The following PIK3CB variants were observed in gnomAD, a reference collection of about 807,000 sequenced individuals.
PIK3CB encodes phosphatidylinositol-4,5-bisphosphate 3-kinase catalytic subunit beta, also known as phosphatidylinositol 4,5-bisphosphate 3-kinase catalytic subunit beta isoform.
A neutral mutation model predicts 136.8 loss-of-function variants in PIK3CB; 39 were observed. That is an observed-to-expected ratio of 0.29 (90% CI 0.22 to 0.37). The LOEUF (loss-of-function observed/expected upper bound fraction) is 0.37, where lower values mean the gene tolerates loss of function less well. Ranked by LOEUF, PIK3CB falls within the 10% of genes least tolerant of loss-of-function variation. The pLI is 1.00. For synonymous variants in PIK3CB, 428 were observed against 436.6 expected (o/e 0.98, Z 0.25); for missense variants, 868 against 1,275.4 (o/e 0.68, Z 4.87).
intron 8 of PIK3CB, among the ~76,000 whole-genome samples, chr3:138,716,086 T>G (rs1385847155): frequency 6.6e-6 from 1 of 152,146 alleles, no homozygotes; most frequent in Non-Finnish European, 1.5e-5. Flanking sequence ...AAGAAAAAAA[T>G]TGGTTATTCT....
chr3:138,815,430 G>GGA (rs1559889588), intron 1 of PIK3CB, among the ~76,000 whole-genome samples: 1 of 116,332 alleles, frequency 8.6e-6, no homozygotes, highest in African/African-American at 3.7e-5. Context: ...TGTTACAAAA[G>GGA]AAAAAAAAAA....
At chr3:138,690,767 C>T (rs1168379977) in intron 15 of PIK3CB, among the ~76,000 whole-genome samples, 1 of 149,228 alleles carries the variant, frequency 6.7e-6, no homozygotes, top group African/African-American at 2.5e-5. Flanking sequence ...AGAAATCAAG[C>T]AGGCATGGAG....
chr3:138,705,479 A>G (rs191437496), intron 11 of PIK3CB, among the ~76,000 whole-genome samples: 30 of 152,244 alleles, frequency 2.0e-4, no homozygotes, highest in African/African-American at 6.7e-4. Context: ...CATATTTGAA[A>G]TTTATATTAT....
intron 1 of PIK3CB, among the ~76,000 whole-genome samples, chr3:138,797,410 C>T (rs886287710): frequency 6.6e-6 from 1 of 152,126 alleles, no homozygotes; most frequent in Non-Finnish European, 1.5e-5. Context: ...AGGGGTCCTG[C>T]GTGACTGCAC....
At chr3:138,657,598 T>G (rs2043214841) in intron 22 of PIK3CB, 92 bp downstream of exon 22, 1 of 1,136,086 alleles carries the variant, frequency 8.8e-7, no homozygotes, top group South Asian at 1.4e-5. Flanking sequence ...ATCTCCCAGA[T>G]CCAAATATAT....
intron 1 of PIK3CB, among the ~76,000 whole-genome samples, chr3:138,810,598 C>T (rs958358259): frequency 7.9e-5 from 12 of 151,956 alleles, no homozygotes; most frequent in Admixed American, 6.6e-4. Context: ...GACCAGTATT[C>T]CTCAGAACTG....
chr3:138,679,126 C>G (rs1260867528), intron 19 of PIK3CB, among the ~76,000 whole-genome samples: 2 of 151,912 alleles, frequency 1.3e-5, no homozygotes, highest in African/African-American at 2.4e-5. Flanking sequence ...TAAACAAAAA[C>G]TGATAAGATT....
intron 3 of PIK3CB, among the ~76,000 whole-genome samples, chr3:138,758,821 A>G (rs2045618293): frequency 1.3e-5 from 2 of 152,190 alleles, no homozygotes. Flanking sequence ...TGCTGAGGGA[A>G]AAATATCTGG....
chr3:138,755,771 C>T lies in PIK3CB; in HGVS notation c.380G>A (p.Gly127Glu). 1 of 1,586,082 alleles carries T rather than the reference C, an allele frequency of 6.3e-7. No individual in the cohort carries two copies. Among genetic ancestry groups the T allele is most frequent in the Non-Finnish European group, 8.7e-7 (1 of 1,155,318 alleles). The change falls in exon 4 of 24, where the codon GGA (glycine) becomes GAA (glutamate). Residue 127 changes from glycine (G) to glutamate (E), a missense_variant. Physicochemically the swap from Gly to Glu is moderately conservative, Grantham distance 98. Coordinates refer to ENST00000674063, the MANE Select transcript of PIK3CB (RefSeq NM_006219.3). ...DPGEKLDSKI[G>E]VLIGKGLHEF... The stretch of plus-strand genomic sequence containing the variant: ...TAATTTACCTTTTCCTATAAGGACT[C>T]CAATTTTTGAGTCTAATTTTTCCCC...
At chr3:138,823,674 G>T (rs1469784802) in intron 1 of PIK3CB, among the ~76,000 whole-genome samples, 1 of 152,128 alleles carries the variant, frequency 6.6e-6, no homozygotes, top group Non-Finnish European at 1.5e-5. Context: ...CTGCACTCCA[G>T]CCTGGCGACA....
At chr3:138,808,412 T>C (rs747926966) in intron 1 of PIK3CB, among the ~76,000 whole-genome samples, 1 of 152,012 alleles carries the variant, frequency 6.6e-6, no homozygotes, top group Non-Finnish European at 1.5e-5. Flanking sequence ...AGGAAGATCA[T>C]TTGAGCCCAG....
intron 2 of PIK3CB, among the ~76,000 whole-genome samples, chr3:138,763,705 CAA>C (rs2045692091): frequency 6.6e-6 from 1 of 152,194 alleles, no homozygotes; most frequent in South Asian, 2.1e-4. Flanking sequence ...GCAATCTTTT[CAA>C]AGAGACTGAC....
At chr3:138,750,092 T>G (rs899174633) in intron 4 of PIK3CB, among the ~76,000 whole-genome samples, 1 of 152,118 alleles carries the variant, frequency 6.6e-6, no homozygotes, top group African/African-American at 2.4e-5. Flanking sequence ...TTGCCCAGAC[T>G]GGTCTCCAAA....
chr3:138,714,469 A>G lies in PIK3CB; in HGVS notation c.1301T>C (p.Val434Ala). Residue 434 changes from valine to alanine, a missense_variant and splice_region_variant, in exon 9 of 24, where the codon GTG becomes GCG. Transcript: ENST00000674063. The stretch of plus-strand genomic sequence containing the variant: ...CCTCAGAAGTTGGTATATCATTACC[A>G]CTTTTCCAGCTTTCCTGATGGTCTG... ...KYQTIRKAGKVHYPVAWVNTM... is the reference protein window; with the variant it reads ...KYQTIRKAGKAHYPVAWVNTM... 6.2e-7 allele frequency: 1 copy of G among 1,600,402 alleles called. No homozygotes were observed. Among genetic ancestry groups the G allele is most frequent in the Non-Finnish European group, 8.5e-7 (1 of 1,170,460 alleles).
At chr3:138,817,578 G>A (rs192158894) in intron 1 of PIK3CB, among the ~76,000 whole-genome samples, 1 of 152,258 alleles carries the variant, frequency 6.6e-6, no homozygotes, top group African/African-American at 2.4e-5. Context: ...ATTAATCCTT[G>A]CAGGCACCCC....
intron 11 of PIK3CB, among the ~76,000 whole-genome samples, chr3:138,704,922 A>G (rs1156753393): frequency 6.6e-6 from 1 of 151,904 alleles, no homozygotes; most frequent in Non-Finnish European, 1.5e-5. Context: ...AACTTGTACA[A>G]TTGAAGGAGA....
At chr3:138,765,679 CAAA>C (rs34550458) in intron 2 of PIK3CB, among the ~76,000 whole-genome samples, 2 of 119,232 alleles carry the variant, frequency 1.7e-5, no homozygotes, top group Non-Finnish European at 3.4e-5. Context: ...CCCCTCTCTT[CAAA>C]AAAAAAAAAA....
intron 4 of PIK3CB, among the ~76,000 whole-genome samples, chr3:138,745,734 T>C (rs887462516): frequency 6.6e-6 from 1 of 152,214 alleles, no homozygotes; most frequent in African/African-American, 2.4e-5. Flanking sequence ...CCAGGTCTTC[T>C]TGTTGTACAA....
In PIK3CB at chr3:138,682,063, G is replaced by A. The variant is rs1287324702; in HGVS notation, c.2426-18C>T. ...TCGTAAATCTAAGGGAAAACAAACT[G>A]CTTCATTACAAGTGCTTTTCCTTTT... On this transcript the variant is annotated intron_variant, in intron 18 of 23. Coordinates refer to ENST00000674063, the MANE Select transcript of PIK3CB (RefSeq NM_006219.3). The A allele has an allele frequency of 1.3e-6, 2 of 1,544,232 alleles. No individual in the cohort carries two copies. Among genetic ancestry groups the A allele is most frequent in the Admixed American group, 1.7e-5 (1 of 57,750 alleles).
Sources: gnomAD v4.1 joint callset for allele counts (sites outside exome capture counted in the v4.1 genomes callset) on GRCh38, gnomAD v4.1.1 for gene constraint, MANE v1.5 for transcripts, NCBI Gene and HGNC (gene_info 2026-07-23, HGNC 2026-07-21) for gene names.